Variants in TTYH3 observed in about 807,000 individuals in gnomAD.
TTYH3 encodes protein tweety homolog 3.
In TTYH3, 23 loss-of-function variants were observed where a neutral mutation model predicts 68.2. The observed-to-expected ratio is 0.34, with a 90% confidence interval of 0.24 to 0.48. The LOEUF (loss-of-function observed/expected upper bound fraction) is 0.48. TTYH3 is among the 20% of genes least tolerant of loss of function. The pLI is 0.99. For missense variants in TTYH3, 768 were observed against 727.7 expected (o/e 1.06, Z -0.64); for synonymous variants, 360 against 332.8 (o/e 1.08, Z -0.89).
At chr7:2,639,729 G>C (rs1779659820) in intron 1 of TTYH3, among the ~76,000 whole-genome samples, 1 of 152,220 alleles carries the variant, frequency 6.6e-6, no homozygotes, top group South Asian at 2.1e-4. Context: ...TCTGTCACAT[G>C]CCGGCACCTC....
intron 6 of TTYH3, 59 bp downstream of exon 6, chr7:2,649,698 G>A (rs1786108056): frequency 1.9e-6 from 3 of 1,553,004 alleles, no homozygotes; most frequent in Admixed American, 1.9e-5. Context: ...GGGGAGGGAC[G>A]AGGGGAAGCC....
At chr7:2,656,288 G>C in intron 10 of TTYH3, 104 bp downstream of exon 10, 1 of 1,566,820 alleles carries the variant, frequency 6.4e-7, no homozygotes, top group East Asian at 2.3e-5. Context: ...TGGGTCCTCA[G>C]CCCTGCCTCT....
At chr7:2,647,866 C>A in intron 4 of TTYH3, 93 bp from the exon 5 acceptor site, 2 of 1,428,544 alleles carry the variant, frequency 1.4e-6, no homozygotes, top group Non-Finnish European at 1.9e-6. Context: ...GGGTGCCAGG[C>A]TGCTGGCCTC....
chr7:2,633,223 C>T (rs566737784), intron 1 of TTYH3, among the ~76,000 whole-genome samples: 2 of 152,312 alleles, frequency 1.3e-5, no homozygotes, highest in African/African-American at 2.4e-5. Flanking sequence ...CGGAGTTTCT[C>T]TCTGGACGGA....
chr7:2,647,074 G>T (rs747012987), intron 2 of TTYH3, 52 bp downstream of exon 2: 1 of 1,532,450 alleles, frequency 6.5e-7, no homozygotes, highest in South Asian at 1.2e-5. Flanking sequence ...GGCGGCCCGA[G>T]GGGGCGGGGC....
rs765207791 is a variant in TTYH3, at chr7:2,662,683, G to A, written c.*944G>A. The A allele has an allele frequency of 1.5e-3, 228 of 152,832 alleles. 1 individual carries two copies. The highest frequency in any genetic ancestry group is 1.2e-3 in the Non-Finnish European group (81 of 68,134). 9.5% of individuals were successfully genotyped at this position (152,832 alleles called of 1,614,324 possible). A position where few individuals can be genotyped will look rare whatever the true frequency, so the allele number is the denominator to read the frequency against. On this transcript the variant is annotated 3_prime_UTR_variant, in exon 14 of 14. Transcript: ENST00000258796. Reference sequence around the variant, plus strand: ...CGGCCTGAGGGGCTGGACCCGAGCCGGCTGTGAACATCCCTCAGCCCCTGC... The same window carrying A: ...CGGCCTGAGGGGCTGGACCCGAGCCAGCTGTGAACATCCCTCAGCCCCTGC...
At position 2,658,262 on chromosome 7, in the gene TTYH3, C is replaced by T. The variant is rs200042643; in HGVS notation, c.1251-24C>T. The stretch of plus-strand genomic sequence containing the variant: ...GCTCCTTCCTGCTGGGGCCTGAGCC[C>T]GTGCTGCGTGTCCCTCCTCACAGAG... On this transcript the variant is annotated intron_variant, in intron 11 of 13. Transcript: ENST00000258796. The T allele has an allele frequency of 3.5e-3, 5,389 of 1,520,312 alleles. 16 individuals are homozygous for T. The highest frequency in any genetic ancestry group is 3.8e-3 in the Non-Finnish European group (4,326 of 1,128,270). The allele number at this position is 1,520,312 out of a possible 1,614,324, so 94.2% of individuals were successfully genotyped here.
chr7:2,646,529 G>C (rs891362414), intron 1 of TTYH3, among the ~76,000 whole-genome samples: 6 of 152,186 alleles, frequency 3.9e-5, no homozygotes, highest in Admixed American at 2.0e-4. Flanking sequence ...GGTGGGGAGG[G>C]GACATGTGCC....
At chr7:2,652,771 G>C in intron 8 of TTYH3, 147 bp from the exon 9 acceptor site, 2 of 651,382 alleles carry the variant, frequency 3.1e-6, no homozygotes, top group Non-Finnish European at 5.3e-6. Flanking sequence ...AGCAAGGGCA[G>C]GGAGTGCCCT....
chr7:2,646,516 C>A (rs1785987865), intron 1 of TTYH3, among the ~76,000 whole-genome samples: 1 of 152,198 alleles, frequency 6.6e-6, no homozygotes, highest in African/African-American at 2.4e-5. Flanking sequence ...ACTCTGGGGA[C>A]CCGGTGGGGA....
At chr7:2,649,855 G>T in intron 6 of TTYH3, 58 bp from the exon 7 acceptor site, 1 of 1,595,504 alleles carries the variant, frequency 6.3e-7, no homozygotes, top group Non-Finnish European at 8.6e-7. Context: ...CTACCCCCGA[G>T]AGCTTCCCTT....
rs1385882278 is a variant in TTYH3 at position 2,661,807 on chromosome 7, C to G, written c.*68C>G. On this transcript the variant is annotated 3_prime_UTR_variant, in exon 14 of 14. Coordinates refer to ENST00000258796, the MANE Select transcript of TTYH3 (RefSeq NM_025250.3). ...CCCCGTGCCAGCACTGCCGCTTCCA[C>G]CTGGGCCACCCACCGGACCCTCGCA... The G allele has an allele frequency of 6.6e-7, 1 of 1,512,548 alleles. No individual in the cohort carries two copies. The highest frequency in any genetic ancestry group is 1.8e-4 in the Middle Eastern group (1 of 5,714). 93.7% of individuals were successfully genotyped at this position (1,512,548 alleles called of 1,614,324 possible).
In TTYH3 at chr7:2,664,279, G is replaced by A. The variant is rs1786564417; in HGVS notation, c.*2540G>A. 1.3e-5 allele frequency: 2 copies of A among 152,584 alleles called. No individual in the cohort carries two copies. Among genetic ancestry groups the A allele is most frequent in the Admixed American group, 6.5e-5 (1 of 15,274 alleles). The allele number at this position is 152,584 out of a possible 1,614,324, so 9.5% of individuals were successfully genotyped here. On this transcript the variant is annotated 3_prime_UTR_variant, in exon 14 of 14. Coordinates refer to ENST00000258796, the MANE Select transcript of TTYH3 (RefSeq NM_025250.3). ...ACCCACCCATCTCACTATGCAATTC[G>A]AGTTCCAAGCAACATTTGCTCCTGC...
In TTYH3 at chr7:2,662,495, A is replaced by T. The variant is rs1198299438; in HGVS notation, c.*756A>T. The T allele has an allele frequency of 6.5e-6, 1 of 152,674 alleles. No homozygotes were observed. Among genetic ancestry groups the T allele is most frequent in the Non-Finnish European group, 1.5e-5 (1 of 68,514 alleles). 9.5% of individuals were successfully genotyped at this position (152,674 alleles called of 1,614,324 possible). A position where few individuals can be genotyped will look rare whatever the true frequency, so the allele number is the denominator to read the frequency against. ...TCTTGGTGCCAAACCCCCTTCCCCCACCCAGAGACTGGGCAGCTGTGTCTG... is the reference window on the plus strand; with the variant it reads ...TCTTGGTGCCAAACCCCCTTCCCCCTCCCAGAGACTGGGCAGCTGTGTCTG... On this transcript the variant is annotated 3_prime_UTR_variant, in exon 14 of 14. Coordinates refer to ENST00000258796, the MANE Select transcript of TTYH3 (RefSeq NM_025250.3).
chr7:2,648,047 C>T lies in TTYH3; in HGVS notation c.715C>T (p.Leu239=), dbSNP rs968838147. The T allele has an allele frequency of 6.2e-7, 1 of 1,609,168 alleles. No individual in the cohort carries two copies. Among genetic ancestry groups the T allele is most frequent in the Non-Finnish European group, 8.5e-7 (1 of 1,179,734 alleles). ...VGLIRSSKGI[L]VGVCLLGVLA... Reference sequence around the variant, plus strand: ...CCTCATCCGCAGCTCCAAGGGCATCCTGGTGGGGTGAGTCTGGGGGTGTCG... The same window carrying T: ...CCTCATCCGCAGCTCCAAGGGCATCTTGGTGGGGTGAGTCTGGGGGTGTCG... The change falls in exon 5 of 14, where the codon CTG becomes TTG. Residue 239 remains leucine (L), a synonymous_variant. Transcript: ENST00000258796.
chr7:2,651,301 C>A (rs1308547394), intron 7 of TTYH3, among the ~76,000 whole-genome samples: 1 of 152,188 alleles, frequency 6.6e-6, no homozygotes, highest in East Asian at 1.9e-4. Flanking sequence ...GGCTTGTGGG[C>A]TGGTTTTTTA....
In TTYH3 at chr7:2,659,022, C is replaced by T; in HGVS notation, c.1500+7C>T. 1 of 1,613,482 alleles carries T rather than the reference C, an allele frequency of 6.2e-7. No individual in the cohort carries two copies. Among genetic ancestry groups the T allele is most frequent in the Non-Finnish European group, 8.5e-7 (1 of 1,179,584 alleles). ...CGAGTCCCCGCCGCCCTCAGTAAGTCTTGGGGCAGGAGGGTGGATGGGGGG... is the reference window on the plus strand; with the variant it reads ...CGAGTCCCCGCCGCCCTCAGTAAGTTTTGGGGCAGGAGGGTGGATGGGGGG... On this transcript the variant is annotated splice_region_variant and intron_variant, in intron 13 of 13. Transcript: ENST00000258796.
intron 13 of TTYH3, among the ~76,000 whole-genome samples, chr7:2,661,251 C>T (rs1193866191): frequency 6.6e-6 from 1 of 152,192 alleles, no homozygotes; most frequent in Admixed American, 6.5e-5. Flanking sequence ...TTGGCCCGGC[C>T]CTGGAGGGTG....
chr7:2,659,874 C>G (rs1786442708), intron 13 of TTYH3: 2 of 1,272,500 alleles, frequency 1.6e-6, no homozygotes, highest in Non-Finnish European at 2.1e-6. Flanking sequence ...GCCCCACACC[C>G]TGGCGTTGAG....
Sources: gnomAD v4.1 joint callset for allele counts (sites outside exome capture counted in the v4.1 genomes callset) on GRCh38, gnomAD v4.1.1 for gene constraint, MANE v1.5 for transcripts, NCBI Gene and HGNC (gene_info 2026-07-23, HGNC 2026-07-21) for gene names.